Variants in SCN7A observed in about 807,000 individuals in gnomAD.
SCN7A encodes sodium voltage-gated channel alpha subunit 7.
In SCN7A, 138 loss-of-function variants were observed where a neutral mutation model predicts 155.2. The ratio of observed to expected loss-of-function variants is 0.89; its 90% CI spans 0.77 to 1.02. The LOEUF is 1.02. Among genes scored for constraint, SCN7A ranks in the 50% least tolerant of loss-of-function variants. The pLI is 0.00. For synonymous variants in SCN7A, 693 were observed against 649.0 expected, an observed-to-expected ratio of 1.07 and a Z score of -1.03; for missense variants, 2,058 against 1,986.6, an observed-to-expected ratio of 1.04 and a Z score of -0.68.
intron 5 of SCN7A, among the ~76,000 whole-genome samples, chr2:166,473,242 G>A: frequency 6.6e-6 from 1 of 151,648 alleles, no homozygotes; most frequent in East Asian, 1.9e-4. Context: ...TATACATTAT[G>A]TAGGTAAATG....
intron 6 of SCN7A, 30 bp downstream of exon 6, chr2:166,472,287 A>T (rs898418937): frequency 6.4e-7 from 1 of 1,561,252 alleles, no homozygotes; most frequent in Admixed American, 2.1e-5. Flanking sequence ...GCAAAACATT[A>T]AAATAGACTC....
At position 166,416,837 on chromosome 2, in the gene SCN7A, CT is replaced by C; in HGVS notation, c.3283del (p.Arg1095GlyfsTer8). ...ATTCATGACTTCAGATGAAGGAAACCTTTCTCCACTTGTTGGGTCAATGCAT... is the reference window on the plus strand; with the variant it reads ...ATTCATGACTTCAGATGAAGGAAACCTTCTCCACTTGTTGGGTCAATGCAT... ...YECIDPTSGE[R>X]FPSSEVMNKS... On this transcript the variant is annotated frameshift_variant, in exon 21 of 26. Transcript: ENST00000643258. LOFTEE classifies it high-confidence loss of function. 1 of 1,613,638 alleles carries C rather than the reference CT, an allele frequency of 6.2e-7. No homozygotes were observed. Among genetic ancestry groups the C allele is most frequent in the Non-Finnish European group, 8.5e-7 (1 of 1,179,766 alleles).
At chr2:166,485,532 C>G (rs143366521) in intron 2 of SCN7A, among the ~76,000 whole-genome samples, 4 of 152,018 alleles carry the variant, frequency 2.6e-5, no homozygotes, top group African/African-American at 9.7e-5. Flanking sequence ...GAAAAGGACA[C>G]GAATCACTGG....
intron 3 of SCN7A, 78 bp downstream of exon 3, chr2:166,477,385 C>T: frequency 2.2e-6 from 2 of 899,284 alleles, no homozygotes; most frequent in Non-Finnish European, 3.2e-6. Flanking sequence ...TTTTTGTATC[C>T]TATCTCAATT....
At chr2:166,463,757 T>A (rs1220008799) in intron 9 of SCN7A, among the ~76,000 whole-genome samples, 1 of 151,880 alleles carries the variant, frequency 6.6e-6, no homozygotes, top group Non-Finnish European at 1.5e-5. Context: ...GGCAAAAAAA[T>A]ATGTACTGAG....
At chr2:166,468,900 G>A (rs1419922363) in intron 7 of SCN7A, among the ~76,000 whole-genome samples, 1 of 151,426 alleles carries the variant, frequency 6.6e-6, no homozygotes, top group East Asian at 1.9e-4. Flanking sequence ...ACCTGTCCAC[G>A]ATGTATGTTT....
chr2:166,465,416 T>C (rs1702506499), intron 9 of SCN7A, 46 bp downstream of exon 9: 3 of 1,273,254 alleles, frequency 2.4e-6, no homozygotes, highest in Non-Finnish European at 3.4e-6. Flanking sequence ...TTAAATACTA[T>C]TGACAGGTGA....
Position 166,474,313 on chromosome 2 carries a change from A to AT in SCN7A, c.265dup (p.Ile89AsnfsTer20). 6.6e-7 allele frequency: 1 copy of AT among 1,522,786 alleles called. No individual in the cohort carries two copies. Among genetic ancestry groups the AT allele is most frequent in the Non-Finnish European group, 8.9e-7 (1 of 1,128,000 alleles). The allele number at this position is 1,522,786 out of a possible 1,614,324, so 94.3% of individuals were successfully genotyped here. On this transcript the variant is annotated frameshift_variant, in exon 4 of 26. Coordinates refer to ENST00000643258, the MANE Select transcript of SCN7A (RefSeq NM_002976.4). LOFTEE classifies it high-confidence loss of function. Reference sequence around the variant, plus strand: ...GATGGAAGCCGCATTGAATCTGAAGATTGTTCTATTTTTATTTAATACTAT... The same window carrying AT: ...GATGGAAGCCGCATTGAATCTGAAGATTTGTTCTATTTTTATTTAATACTAT...
At chr2:166,469,927 T>G (rs972200406) in intron 7 of SCN7A, among the ~76,000 whole-genome samples, 15 of 151,962 alleles carry the variant, frequency 9.9e-5, no homozygotes, top group African/African-American at 3.6e-4. Context: ...GCTTTTATTA[T>G]ATTCCTCCTT....
At chr2:166,419,349 A>G (rs1350274174) in intron 20 of SCN7A, among the ~76,000 whole-genome samples, 4 of 151,170 alleles carry the variant, frequency 2.6e-5, no homozygotes, top group Non-Finnish European at 4.4e-5. Context: ...TTTATACTGG[A>G]AATGTGGCTG....
At chr2:166,441,132 A>T in intron 15 of SCN7A, 1 of 436,382 alleles carries the variant, frequency 2.3e-6, no homozygotes, top group African/African-American at 2.0e-5. Flanking sequence ...TCATTAAAAA[A>T]TGCATTCAAT....
chr2:166,412,669 T>A lies in SCN7A; in HGVS notation c.3469-2A>T. On this transcript the variant is annotated splice_acceptor_variant, in intron 22 of 25. Coordinates refer to ENST00000643258, the MANE Select transcript of SCN7A (RefSeq NM_002976.4). LOFTEE classifies it high-confidence loss of function. ...TTCAAAATGAGGCTGTATATTAACC[T>A]AGAAGTTTAAAATAAGCAAATTATT... 1 of 1,486,520 alleles carries A rather than the reference T, an allele frequency of 6.7e-7. No individual in the cohort carries two copies. The highest frequency in any genetic ancestry group is 8.9e-7 in the Non-Finnish European group (1 of 1,125,374). The allele number at this position is 1,486,520 out of a possible 1,614,324, so 92.1% of individuals were successfully genotyped here.
At chr2:166,409,966 T>G (rs1324721067) in intron 24 of SCN7A, 31 bp from the exon 25 acceptor site, 11 of 1,502,256 alleles carry the variant, frequency 7.3e-6, no homozygotes, top group Non-Finnish European at 9.8e-6. Flanking sequence ...TGTAATAGTC[T>G]TATTAATAGG....
chr2:166,424,518 T>C (rs1983499), intron 18 of SCN7A, among the ~76,000 whole-genome samples: 105,602 of 151,956 alleles, frequency 0.69, 36,841 homozygotes, highest in African/African-American at 0.74. Context: ...AGATTTAACA[T>C]GTAAATTCTA....
In SCN7A at chr2:166,478,962, T is replaced by C. The variant is rs373647509; in HGVS notation, c.-14-1252A>G. On this transcript the variant is annotated intron_variant, in intron 2 of 25. Transcript: ENST00000643258. ...GTTCCAGTCCAATTCCTGTCAAAATTTACTCTTCCAATGATTCTATTCAAT... is the reference window on the plus strand; with the variant it reads ...GTTCCAGTCCAATTCCTGTCAAAATCTACTCTTCCAATGATTCTATTCAAT... Among the ~76,000 whole-genome samples, 5 of 152,072 alleles carry C rather than the reference T, an allele frequency of 3.3e-5. No homozygotes were observed. In the East Asian group the frequency reaches 9.6e-4, roughly 29 times the overall value.
At chr2:166,418,477 A>T (rs1245078135) in intron 20 of SCN7A, among the ~76,000 whole-genome samples, 2 of 149,972 alleles carry the variant, frequency 1.3e-5, no homozygotes, top group South Asian at 2.1e-4. Flanking sequence ...ACCTTCTTTC[A>T]CTTTCTTCCT....
intron 18 of SCN7A, 97 bp downstream of exon 18, chr2:166,427,691 C>T (rs753749713): frequency 1.2e-5 from 13 of 1,104,020 alleles, no homozygotes; most frequent in Non-Finnish European, 2.5e-6. Context: ...TACTAAATAT[C>T]CTTGGAAATG....
At chr2:166,465,279 C>A (rs1702503938) in intron 9 of SCN7A, among the ~76,000 whole-genome samples, 183 bp downstream of exon 9, 1 of 152,146 alleles carries the variant, frequency 6.6e-6, no homozygotes. Flanking sequence ...TGTTTTTAAA[C>A]CAACCAGTCT....
intron 11 of SCN7A, among the ~76,000 whole-genome samples, chr2:166,450,271 A>G (rs543226208): frequency 6.6e-6 from 1 of 152,208 alleles, no homozygotes; most frequent in South Asian, 2.1e-4. Context: ...TTGTGTACAC[A>G]TGGACATTAA....
Sources: allele counts gnomAD v4.1 joint callset (sites outside exome capture counted in the v4.1 genomes callset), GRCh38; gene constraint gnomAD v4.1.1; transcripts MANE v1.5; gene names NCBI Gene and HGNC (gene_info 2026-07-23, HGNC 2026-07-21).